Variants in GRIN2B observed in about 807,000 individuals in gnomAD.
GRIN2B encodes glutamate ionotropic receptor NMDA type subunit 2B, also known as glutamate receptor ionotropic, NMDA 2B.
Under a neutral mutation model 114.5 loss-of-function variants are expected in GRIN2B, and 5 were observed. The ratio of observed to expected loss-of-function variants is 0.04; its 90% CI spans 0.02 to 0.09. The LOEUF is 0.09. GRIN2B is among the 10% of genes least tolerant of loss of function. The pLI is 1.00. For synonymous variants in GRIN2B, 787 were observed against 745.1 expected (o/e 1.06, Z -0.92); for missense variants, 1,108 against 1,943.5 (o/e 0.57, Z 8.08).
intron 5 of GRIN2B, among the ~76,000 whole-genome samples, chr12:13,669,976 T>A (rs541060284): frequency 2.0e-5 from 3 of 152,238 alleles, no homozygotes; most frequent in Admixed American, 6.5e-5. Flanking sequence ...TCTTATTTAT[T>A]CCAGGCTGCA....
intron 2 of GRIN2B, among the ~76,000 whole-genome samples, chr12:13,887,099 C>T (rs1001480650): frequency 6.6e-6 from 1 of 152,216 alleles, no homozygotes; most frequent in African/African-American, 2.4e-5. Context: ...CCCTATATAT[C>T]CTCTCAGATG....
At chr12:13,565,938 G>A (rs1257108997) in intron 13 of GRIN2B, among the ~76,000 whole-genome samples, 1 of 152,188 alleles carries the variant, frequency 6.6e-6, no homozygotes, top group African/African-American at 2.4e-5. Context: ...CCTCTATAGA[G>A]GCATTGATCA....
At chr12:13,692,268 T>A (rs960877283) in intron 4 of GRIN2B, among the ~76,000 whole-genome samples, 2 of 152,216 alleles carry the variant, frequency 1.3e-5, no homozygotes, top group Admixed American at 1.3e-4. Flanking sequence ...ACCAAGTTCA[T>A]ACGTTAGGGA....
At chr12:13,577,704 C>T (rs1406555927) in intron 10 of GRIN2B, among the ~76,000 whole-genome samples, 4 of 152,178 alleles carry the variant, frequency 2.6e-5, no homozygotes, top group Non-Finnish European at 5.9e-5. Context: ...GTTACATTAT[C>T]TCCTTTAACT....
rs61912093 is a variant in GRIN2B, at chr12:13,704,859, A to G, written c.1011-29000T>C. On this transcript the variant is annotated intron_variant, in intron 4 of 13. Transcript: ENST00000609686. The stretch of plus-strand genomic sequence containing the variant: ...TAATGATTTCTCATTTGTAAATAAA[A>G]CACATGTCACTGATACTTTTATTCC... 7.0e-3 allele frequency among the ~76,000 whole-genome samples: 1,062 copies of G among 152,292 alleles called. 16 individuals are homozygous for G. The highest frequency in any genetic ancestry group is 0.018 in the South Asian group (89 of 4,826).
rs143894140 is a variant in GRIN2B at position 13,969,375 on chromosome 12, A to G, written c.-19+10553T>C. 7.9e-4 allele frequency among the ~76,000 whole-genome samples: 120 copies of G among 152,344 alleles called. No homozygotes were observed. In the East Asian group the frequency reaches 0.018, roughly 23 times the overall value. ...TAAAGAGTCAGGGCTTAGAATCAGA[A>G]GATGTAAGTTGGAACCCTAGTTTGC... On this transcript the variant is annotated intron_variant, in intron 2 of 13. Transcript: ENST00000609686.
chr12:13,723,380 C>CATCT (rs1862914553), intron 4 of GRIN2B, among the ~76,000 whole-genome samples: 2 of 151,976 alleles, frequency 1.3e-5, no homozygotes, highest in Admixed American at 6.6e-5. Context: ...TGACCACTTG[C>CATCT]TGTCAGCAAT....
At chr12:13,620,859 A>C (rs1049974865) in intron 5 of GRIN2B, among the ~76,000 whole-genome samples, 1 of 140,824 alleles carries the variant, frequency 7.1e-6, no homozygotes, top group African/African-American at 2.5e-5. Context: ...CTTGCCTTAA[A>C]GTCGTTATTT....
intron 4 of GRIN2B, among the ~76,000 whole-genome samples, chr12:13,688,639 A>G (rs1349190926): frequency 6.6e-6 from 1 of 152,234 alleles, no homozygotes; most frequent in Non-Finnish European, 1.5e-5. Flanking sequence ...GAAGTCAGTT[A>G]TGAAAGTCTA....
At chr12:13,806,154 A>G (rs1462448708) in intron 3 of GRIN2B, among the ~76,000 whole-genome samples, 2 of 152,116 alleles carry the variant, frequency 1.3e-5, no homozygotes, top group Admixed American at 1.3e-4. Context: ...GGTTGACTCC[A>G]TATCTTGGCT....
At chr12:13,769,896 T>C (rs1478126881) in intron 3 of GRIN2B, among the ~76,000 whole-genome samples, 1 of 152,212 alleles carries the variant, frequency 6.6e-6, no homozygotes, top group East Asian at 1.9e-4. Context: ...AAACCTCCAT[T>C]AGGACTTGAG....
chr12:13,764,904 T>G (rs1361122108), intron 3 of GRIN2B, among the ~76,000 whole-genome samples: 2 of 152,236 alleles, frequency 1.3e-5, no homozygotes, highest in African/African-American at 4.8e-5. Flanking sequence ...AATCAGATAC[T>G]AGTACTTATT....
chr12:13,731,077 A>T (rs1181262702), intron 4 of GRIN2B, among the ~76,000 whole-genome samples: 1 of 152,068 alleles, frequency 6.6e-6, no homozygotes, highest in Non-Finnish European at 1.5e-5. Context: ...TTTTTTCTAG[A>T]TACTCTTCTC....
At chr12:13,626,895 T>C (rs927288510) in intron 5 of GRIN2B, among the ~76,000 whole-genome samples, 8 of 137,936 alleles carry the variant, frequency 5.8e-5, no homozygotes, top group Non-Finnish European at 1.2e-4. Flanking sequence ...ACTCCACCCA[T>C]GTGATCCTGT....
intron 4 of GRIN2B, among the ~76,000 whole-genome samples, chr12:13,699,480 G>T (rs1950291119): frequency 1.3e-5 from 2 of 152,016 alleles, no homozygotes; most frequent in Non-Finnish European, 2.9e-5. Flanking sequence ...AAAAGATAGG[G>T]TTGGCAAAGG....
chr12:13,742,355 G>A (rs967932607), intron 4 of GRIN2B, among the ~76,000 whole-genome samples: 4 of 152,170 alleles, frequency 2.6e-5, no homozygotes, highest in Admixed American at 2.6e-4. Context: ...TTGTTATCTA[G>A]GAAATCATAT....
chr12:13,887,444 GA>G (rs986846777), intron 2 of GRIN2B, among the ~76,000 whole-genome samples: 1 of 151,874 alleles, frequency 6.6e-6, no homozygotes, highest in Non-Finnish European at 1.5e-5. Flanking sequence ...CCTCAAAACT[GA>G]AAAAAACCCA....
intron 2 of GRIN2B, 120 bp from the exon 3 acceptor site, chr12:13,866,346 T>C: frequency 1.2e-6 from 1 of 805,992 alleles, no homozygotes; most frequent in Non-Finnish European, 2.1e-6. Context: ...CAAACCCAAC[T>C]CCATCTACCA....
intron 2 of GRIN2B, among the ~76,000 whole-genome samples, chr12:13,972,139 C>T (rs544157378): frequency 4.6e-5 from 7 of 152,298 alleles, no homozygotes; most frequent in African/African-American, 1.2e-4. Flanking sequence ...AAATGACCAT[C>T]GCCTGAATCC....
Sources: allele counts gnomAD v4.1 joint callset (sites outside exome capture counted in the v4.1 genomes callset), GRCh38; gene constraint gnomAD v4.1.1; transcripts MANE v1.5; gene names NCBI Gene and HGNC (gene_info 2026-07-23, HGNC 2026-07-21).